The following PRSS54 variants were observed in gnomAD, a reference collection of about 807,000 sequenced individuals.
PRSS54 encodes the protein inactive serine protease 54.
A neutral mutation model predicts 19.9 loss-of-function variants in PRSS54; 16 were observed. The observed-to-expected ratio is 0.80, with a 90% confidence interval of 0.54 to 1.22. The LOEUF (loss-of-function observed/expected upper bound fraction) is 1.22. PRSS54 is among the 50% of genes most tolerant of loss of function. The pLI is 0.00. For missense variants in PRSS54, 444 were observed against 494.8 expected (o/e 0.90, Z 0.97); for synonymous variants, 177 against 195.8 (o/e 0.90, Z 0.80).
Position 58,291,071 on chromosome 16 carries a change from TG to T in PRSS54, c.150del (p.Ser50ArgfsTer24). The T allele has an allele frequency of 6.2e-7, 1 of 1,614,188 alleles. No homozygotes were observed. ...AGCGACACCACCCACGGGAACTCCA[TG>T]CTGCTGACCAAGCCCTCCTTGGGGT... is the stretch of plus-strand genomic sequence containing the variant. ...GPDPKEGLVS[S>X]MEFPWVVSLQ... On this transcript the variant is annotated frameshift_variant, in exon 4 of 7. Transcript: ENST00000567164.
Sources: allele counts gnomAD v4.1 joint callset, GRCh38; gene constraint gnomAD v4.1.1; transcripts MANE v1.5; gene names NCBI Gene and HGNC (gene_info 2026-07-23, HGNC 2026-07-21).